WWC1: variants seen among roughly 807,000 people sequenced by gnomAD.
The protein encoded by WWC1 is WW and C2 domain containing 1.
Under a neutral mutation model 138.4 loss-of-function variants are expected in WWC1, and 55 were observed. The observed-to-expected ratio is 0.40, with a 90% confidence interval of 0.32 to 0.50. WWC1 has a LOEUF of 0.50. Among genes scored for constraint, WWC1 ranks in the 20% least tolerant of loss-of-function variants. WWC1 has a pLI of 0.72. For missense variants in WWC1, 1,226 were observed against 1,420.4 expected, an observed-to-expected ratio of 0.86 and a Z score of 2.20; for synonymous variants, 524 against 564.9, an observed-to-expected ratio of 0.93 and a Z score of 1.03.
Position 168,292,870 on chromosome 5 carries a change from A to T in WWC1, c.119+599A>T, listed in dbSNP as rs553029214. On this transcript the variant is annotated intron_variant, in intron 1 of 22. Coordinates refer to ENST00000265293, the MANE Select transcript of WWC1 (RefSeq NM_015238.3). This position sits in a 1 kb window ranked among gnomAD's most constrained non-coding sequence, Gnocchi z 4.4. ...GGGGCCCTGGAACCCGAGGGTGGGGAGGAAGTGAAGAAGCGGGGGAGGGCA... is the reference window on the plus strand; with the variant it reads ...GGGGCCCTGGAACCCGAGGGTGGGGTGGAAGTGAAGAAGCGGGGGAGGGCA... Among the ~76,000 whole-genome samples the T allele has an allele frequency of 4.4e-3, 672 of 152,176 alleles. No individual in the cohort carries two copies. The highest frequency in any genetic ancestry group is 9.9e-3 in the Admixed American group (151 of 15,300).
chr5:168,314,257 G>T (rs1262930582), intron 1 of WWC1, among the ~76,000 whole-genome samples: 7 of 152,168 alleles, frequency 4.6e-5, no homozygotes, highest in African/African-American at 1.7e-4. Flanking sequence ...TAAGTCACAG[G>T]CTGCCTGGGA....
In WWC1 at chr5:168,292,175, T is replaced by A; in HGVS notation, c.23T>A (p.Leu8Gln). Reference sequence around the variant, plus strand: ...AAGATGCCCCGGCCGGAGCTGCCCCTGCCGGAGGGCTGGGAGGAGGCGCGC... The same window carrying A: ...AAGATGCCCCGGCCGGAGCTGCCCCAGCCGGAGGGCTGGGAGGAGGCGCGC... Reference protein sequence around the residue: MPRPELPLPEGWEEARDF... With the variant: MPRPELPQPEGWEEARDF... The change falls in exon 1 of 23, where the codon CTG (leucine) becomes CAG (glutamine). Residue 8 changes from leucine to glutamine, a missense_variant. Leu to Gln is a moderately radical substitution (Grantham distance 113, BLOSUM62 -2). Coordinates refer to ENST00000265293, the MANE Select transcript of WWC1 (RefSeq NM_015238.3). This position sits in a 1 kb window ranked among gnomAD's most constrained non-coding sequence, Gnocchi z 4.4. 2 of 1,547,018 alleles carry A rather than the reference T, an allele frequency of 1.3e-6. No individual in the cohort carries two copies. Among genetic ancestry groups the A allele is most frequent in the Non-Finnish European group, 1.7e-6 (2 of 1,145,756 alleles).
intron 9 of WWC1, among the ~76,000 whole-genome samples, chr5:168,419,012 T>C (rs1211495456): frequency 6.6e-6 from 1 of 152,188 alleles, no homozygotes; most frequent in Non-Finnish European, 1.5e-5. Flanking sequence ...TTGTCTGTGA[T>C]TTCACGGATT....
At chr5:168,461,274 G>A (rs533212879) in intron 20 of WWC1, among the ~76,000 whole-genome samples, 1 of 152,034 alleles carries the variant, frequency 6.6e-6, no homozygotes, top group Non-Finnish European at 1.5e-5. Flanking sequence ...AGAGGTTGCA[G>A]TGAGCTGAGA....
At chr5:168,368,404 G>A (rs752757566) in intron 1 of WWC1, among the ~76,000 whole-genome samples, 26 of 152,226 alleles carry the variant, frequency 1.7e-4, no homozygotes, top group Non-Finnish European at 3.2e-4. Flanking sequence ...AATCTCCAAG[G>A]AGGAATTTTG....
chr5:168,394,189 C>A (rs1323537791), intron 3 of WWC1, among the ~76,000 whole-genome samples: 3 of 152,068 alleles, frequency 2.0e-5, no homozygotes, highest in Non-Finnish European at 4.4e-5. Context: ...CAGAAAAGAT[C>A]AAGAAGCAGT....
In WWC1 at chr5:168,459,838, G is replaced by A. The variant is rs180747767; in HGVS notation, c.2824-812G>A. Reference sequence around the variant, plus strand: ...AGCATCGGCCTGTCACAACCCCACCGATTTTGGAAATAGGACTCGAGAAAG... The same window carrying A: ...AGCATCGGCCTGTCACAACCCCACCAATTTTGGAAATAGGACTCGAGAAAG... On this transcript the variant is annotated intron_variant, in intron 19 of 22. Transcript: ENST00000265293. Among the ~76,000 whole-genome samples the A allele has an allele frequency of 9.7e-4, 147 of 152,202 alleles. 1 individual carries two copies. Among genetic ancestry groups the A allele is most frequent in the Admixed American group, 1.8e-3 (28 of 15,282 alleles).
intron 10 of WWC1, among the ~76,000 whole-genome samples, chr5:168,422,626 A>G (rs1010297972): frequency 3.9e-5 from 6 of 152,040 alleles, no homozygotes. Context: ...AAAAAGAAAA[A>G]AAAAGCCTTA....
intron 1 of WWC1, among the ~76,000 whole-genome samples, chr5:168,366,319 G>C (rs1776286330): frequency 6.6e-6 from 1 of 152,158 alleles, no homozygotes; most frequent in South Asian, 2.1e-4. Flanking sequence ...GAATCTTGCT[G>C]TCCAGATTTC....
At chr5:168,361,201 G>T (rs1288758845) in intron 1 of WWC1, among the ~76,000 whole-genome samples, 1 of 152,190 alleles carries the variant, frequency 6.6e-6, no homozygotes, top group East Asian at 1.9e-4. Context: ...AGCTAGGAAG[G>T]ATGGAACTGG....
chr5:168,302,269 T>C (rs1235419637), intron 1 of WWC1, among the ~76,000 whole-genome samples: 1 of 152,182 alleles, frequency 6.6e-6, no homozygotes, highest in Non-Finnish European at 1.5e-5. Flanking sequence ...ATTTATCACG[T>C]CCCACCCAGC....
At chr5:168,326,216 C>CTTTTTTTTTTTT (rs796347858) in intron 1 of WWC1, among the ~76,000 whole-genome samples, 7 of 113,286 alleles carry the variant, frequency 6.2e-5, no homozygotes, top group African/African-American at 2.4e-4. Flanking sequence ...ACCTGATAGT[C>CTTTTTTTTTTTT]TTTTTTTTTT....
chr5:168,317,113 CA>C (rs943176745), intron 1 of WWC1, among the ~76,000 whole-genome samples: 14 of 152,304 alleles, frequency 9.2e-5, no homozygotes, highest in Admixed American at 2.0e-4. Flanking sequence ...CCAGATGAGG[CA>C]GCTGTGGCCC....
intron 1 of WWC1, among the ~76,000 whole-genome samples, chr5:168,356,060 C>T (rs1775386196): frequency 6.6e-6 from 1 of 152,158 alleles, no homozygotes; most frequent in Non-Finnish European, 1.5e-5. Context: ...CCTGTGAACA[C>T]ACAGAGCATG....
chr5:168,465,693 G>T (rs1448945937), intron 21 of WWC1, among the ~76,000 whole-genome samples: 1 of 151,262 alleles, frequency 6.6e-6, no homozygotes, highest in Admixed American at 6.6e-5. Flanking sequence ...GAGTAACTGT[G>T]TTGACAGGTG....
chr5:168,380,441 C>T (rs1185161128), intron 2 of WWC1, among the ~76,000 whole-genome samples: 1 of 151,340 alleles, frequency 6.6e-6, no homozygotes, highest in African/African-American at 2.4e-5. Context: ...ACCCCCATCT[C>T]AAAAAAATAA....
chr5:168,431,051 C>T (rs931812602), intron 14 of WWC1, among the ~76,000 whole-genome samples: 2 of 152,188 alleles, frequency 1.3e-5, no homozygotes, highest in Non-Finnish European at 2.9e-5. Flanking sequence ...GGGTCTGGAC[C>T]AAAGGACAAA....
At chr5:168,301,841 A>G (rs1305872806) in intron 1 of WWC1, among the ~76,000 whole-genome samples, 1 of 152,140 alleles carries the variant, frequency 6.6e-6, no homozygotes, top group Non-Finnish European at 1.5e-5. Flanking sequence ...GTAACGGTAG[A>G]GGAACTAAAA....
At chr5:168,326,443 C>G (rs1337247009) in intron 1 of WWC1, among the ~76,000 whole-genome samples, 1 of 152,046 alleles carries the variant, frequency 6.6e-6, no homozygotes. Context: ...TCTCGAACTC[C>G]CCACCTCAGG....
Sources: allele counts gnomAD v4.1 joint callset (sites outside exome capture counted in the v4.1 genomes callset), GRCh38; gene constraint gnomAD v4.1.1; non-coding constraint Gnocchi (gnomAD v3.1); transcripts MANE v1.5; gene names NCBI Gene and HGNC (gene_info 2026-07-23, HGNC 2026-07-21).